The following MTUS2 variants were observed in gnomAD, a reference collection of about 807,000 sequenced individuals.
MTUS2 encodes the protein microtubule-associated tumor suppressor candidate 2.
Under a neutral mutation model 114.1 loss-of-function variants are expected in MTUS2, and 40 were observed. The ratio of observed to expected loss-of-function variants is 0.35; its 90% confidence interval spans 0.27 to 0.46. The LOEUF (loss-of-function observed/expected upper bound fraction) is 0.46, where lower values mean the gene tolerates loss of function less well. Among genes scored for constraint, MTUS2 ranks in the 20% least tolerant of loss-of-function variants. The pLI is 1.00. For synonymous variants in MTUS2, 688 were observed against 672.0 expected, an observed-to-expected ratio of 1.02 and a Z score of -0.37; for missense variants, 1,679 against 1,705.4, an observed-to-expected ratio of 0.98 and a Z score of 0.27.
intron 5 of MTUS2, among the ~76,000 whole-genome samples, chr13:29,101,662 A>G (rs1890424589): frequency 6.6e-6 from 1 of 152,190 alleles, no homozygotes; most frequent in South Asian, 2.1e-4. Flanking sequence ...TCACCACTTC[A>G]AAGTCAATGT....
At chr13:29,169,053 A>G (rs1450298520) in intron 5 of MTUS2, among the ~76,000 whole-genome samples, 1 of 152,140 alleles carries the variant, frequency 6.6e-6, no homozygotes, top group East Asian at 1.9e-4. Context: ...GACCTGCCCA[A>G]AAACTTTTGA....
intron 4 of MTUS2, among the ~76,000 whole-genome samples, chr13:29,065,269 C>T (rs534676298): frequency 8.5e-5 from 13 of 152,236 alleles, no homozygotes; most frequent in Admixed American, 2.6e-4. Flanking sequence ...GTTCCTTTTT[C>T]GCCACAACCT....
At chr13:28,966,694 G>C (rs1329732714) in intron 2 of MTUS2, among the ~76,000 whole-genome samples, 1 of 127,774 alleles carries the variant, frequency 7.8e-6, no homozygotes, top group Non-Finnish European at 1.6e-5. Context: ...TACTGTACTT[G>C]AGCCTGGGAG....
chr13:29,341,827 T>C lies in MTUS2; in HGVS notation c.2905+17116T>C, dbSNP rs572420432. Among the ~76,000 whole-genome samples the C allele has an allele frequency of 7.9e-5, 12 of 152,302 alleles. No individual in the cohort carries two copies. In the East Asian group the frequency reaches 2.3e-3, roughly 29 times the overall value. On this transcript the variant is annotated intron_variant, in intron 7 of 15. Transcript: ENST00000612955. ...TCCATCTTGAGTTGATTTTCTTGTA[T>C]AAGGTGAGAGATGAGGATCCAGTTT... is the stretch of plus-strand genomic sequence containing the variant.
chr13:28,974,861 C>T (rs1047253860), intron 2 of MTUS2, among the ~76,000 whole-genome samples: 25 of 149,902 alleles, frequency 1.7e-4, no homozygotes, highest in Non-Finnish European at 2.7e-4. Flanking sequence ...AAAGAAAGCT[C>T]AGCACATTAA....
intron 5 of MTUS2, among the ~76,000 whole-genome samples, chr13:29,134,833 G>A (rs1005322605): frequency 2.0e-5 from 3 of 152,274 alleles, no homozygotes; most frequent in Non-Finnish European, 1.5e-5. Context: ...TGATGCGCCC[G>A]CCTTGACCTT....
rs148597957 is a variant in MTUS2 at position 29,480,059 on chromosome 13, G to A, written c.3185-91G>A. ...CAGAGGACCTCGCCCTGTTTATTAC[G>A]CCAGCCTTGATGATCTGACCATGGA... On this transcript the variant is annotated intron_variant, in intron 9 of 15. Transcript: ENST00000612955. This position sits in a 1 kb window ranked among gnomAD's most constrained non-coding sequence, Gnocchi z 4.4. The A allele has an allele frequency of 6.3e-5, 83 of 1,324,438 alleles. No individual in the cohort carries two copies. The Admixed American group carries it at 7.5e-4, about 12-fold the overall frequency. 82.0% of individuals were successfully genotyped at this position (1,324,438 alleles called of 1,614,324 possible). A position where few individuals can be genotyped will look rare whatever the true frequency, so the allele number is the denominator to read the frequency against.
intron 2 of MTUS2, among the ~76,000 whole-genome samples, chr13:28,903,276 A>G (rs954053199): frequency 2.0e-5 from 3 of 151,366 alleles, no homozygotes; most frequent in African/African-American, 7.3e-5. Context: ...TTTTACTATT[A>G]TTATGCTTTA....
intron 5 of MTUS2, among the ~76,000 whole-genome samples, chr13:29,177,837 GCTACACCTT>G (rs1893838330): frequency 6.6e-6 from 1 of 152,078 alleles, no homozygotes; most frequent in Admixed American, 6.5e-5. Flanking sequence ...AGGACCCTGA[GCTACACCTT>G]CTATGAAGGA....
intron 5 of MTUS2, among the ~76,000 whole-genome samples, chr13:29,261,923 T>G (rs1366296474): frequency 6.6e-6 from 1 of 152,246 alleles, no homozygotes; most frequent in Non-Finnish European, 1.5e-5. Context: ...AAAGTTGCCT[T>G]TAATTACTCA....
At chr13:28,942,236 A>C (rs1566240136) in intron 2 of MTUS2, among the ~76,000 whole-genome samples, 1 of 152,194 alleles carries the variant, frequency 6.6e-6, no homozygotes, top group African/African-American at 2.4e-5. Context: ...AAGATGCTCA[A>C]CCTCATTAGT....
At chr13:29,214,736 G>T (rs570688854) in intron 5 of MTUS2, among the ~76,000 whole-genome samples, 10 of 152,304 alleles carry the variant, frequency 6.6e-5, no homozygotes, top group Admixed American at 5.2e-4. Context: ...TCCACTGTTA[G>T]TCTGATGGGC....
At chr13:28,962,581 A>G (rs1159484337) in intron 2 of MTUS2, among the ~76,000 whole-genome samples, 2 of 152,176 alleles carry the variant, frequency 1.3e-5, no homozygotes, top group Non-Finnish European at 2.9e-5. Flanking sequence ...GAAAACAGAA[A>G]AGCCAGTTTC....
chr13:28,825,385 C>G (rs758953044), intron 1 of MTUS2, among the ~76,000 whole-genome samples: 1 of 152,186 alleles, frequency 6.6e-6, no homozygotes, highest in Non-Finnish European at 1.5e-5. Flanking sequence ...GGAAACCACA[C>G]GGCTCTTTCT....
intron 2 of MTUS2, among the ~76,000 whole-genome samples, chr13:28,858,639 T>G (rs1183174731): frequency 2.6e-5 from 4 of 152,178 alleles, no homozygotes; most frequent in Non-Finnish European, 4.4e-5. Flanking sequence ...GGACATATAC[T>G]TTAAAATAGA....
rs1040708743 is a variant in MTUS2 at position 29,003,563 on chromosome 13, G to A, written c.-242-20894G>A. On this transcript the variant is annotated intron_variant, in intron 2 of 15. Coordinates refer to ENST00000612955, the MANE Select transcript of MTUS2 (RefSeq NM_001033602.4). ...ATTTATTCTGCCCCAACTGTTTCTG[G>A]TCTCTAATTCGACATATCTAGTACT... Among the ~76,000 whole-genome samples, 7 of 152,138 alleles carry A rather than the reference G, an allele frequency of 4.6e-5. No homozygotes were observed. The East Asian group carries it at 1.3e-3, about 29-fold the overall frequency.
chr13:29,273,323 A>G (rs1000973399), intron 5 of MTUS2, among the ~76,000 whole-genome samples: 8 of 152,174 alleles, frequency 5.3e-5, no homozygotes, highest in Admixed American at 2.0e-4. Flanking sequence ...TTTTTTAAGT[A>G]TTATGTAAGA....
At chr13:29,030,715 T>C (rs1886776559) in intron 3 of MTUS2, among the ~76,000 whole-genome samples, 1 of 152,274 alleles carries the variant, frequency 6.6e-6, no homozygotes, top group African/African-American at 2.4e-5. Flanking sequence ...TATTTTTCAG[T>C]TATAGAAGCC....
chr13:28,977,319 A>G (rs572664622), intron 2 of MTUS2, among the ~76,000 whole-genome samples: 31 of 152,316 alleles, frequency 2.0e-4, no homozygotes, highest in African/African-American at 6.7e-4. Flanking sequence ...ACCAATTTTA[A>G]GAGAGTAGGA....
Sources: gnomAD v4.1 joint callset for allele counts (sites outside exome capture counted in the v4.1 genomes callset) on GRCh38, gnomAD v4.1.1 for gene constraint, Gnocchi (gnomAD v3.1) non-coding constraint, MANE v1.5 for transcripts, NCBI Gene and HGNC (gene_info 2026-07-23, HGNC 2026-07-21) for gene names.